The following ACMSD variants were observed in gnomAD, a reference collection of about 807,000 sequenced individuals.
ACMSD encodes aminocarboxymuconate semialdehyde decarboxylase.
In ACMSD, 37 loss-of-function variants were observed where a neutral mutation model predicts 45.9. The observed-to-expected ratio is 0.81, with a 90% CI of 0.62 to 1.06. ACMSD has a LOEUF of 1.06. ACMSD is among the 50% of genes least tolerant of loss of function. The pLI is 0.00. For synonymous variants in ACMSD, 138 were observed against 148.8 expected, an observed-to-expected ratio of 0.93 and a Z score of 0.53; for missense variants, 434 against 420.9, an observed-to-expected ratio of 1.03 and a Z score of -0.27.
rs901079618 is a variant in ACMSD at position 134,851,454 on chromosome 2, CT to C, written c.102+6188del. Among the ~76,000 whole-genome samples, 53 of 145,888 alleles carry C rather than the reference CT, an allele frequency of 3.6e-4. 1 individual carries two copies. The highest frequency in any genetic ancestry group is 1.1e-3 in the South Asian group (5 of 4,590). ...CAACAGTGTAGAAGCATTCCCTTTT[CT>C]TTTTTTTTTTAGGAGTCTCACTCTG... On this transcript the variant is annotated intron_variant, in intron 2 of 9. Coordinates refer to ENST00000356140, the MANE Select transcript of ACMSD (RefSeq NM_138326.3).
chr2:134,891,697 AACT>A, intron 8 of ACMSD, among the ~76,000 whole-genome samples: 1 of 152,202 alleles, frequency 6.6e-6, no homozygotes, highest in East Asian at 1.9e-4. Context: ...CTAAAAATAG[AACT>A]ACAATTCAAT....
intron 4 of ACMSD, chr2:134,863,102 A>C: frequency 3.0e-5 from 28 of 939,906 alleles, no homozygotes; most frequent in East Asian, 1.2e-4. Context: ...GCCCATGCTC[A>C]TTCCATCTCT....
At chr2:134,885,922 C>T (rs7575578) in intron 8 of ACMSD, among the ~76,000 whole-genome samples, 1 of 152,200 alleles carries the variant, frequency 6.6e-6, no homozygotes, top group Non-Finnish European at 1.5e-5. Flanking sequence ...CCACAAAGTT[C>T]TGCCCCCACA....
At chr2:134,894,277 CAAATG>C (rs1192293222) in intron 8 of ACMSD, among the ~76,000 whole-genome samples, 6 of 151,744 alleles carry the variant, frequency 4.0e-5, no homozygotes, top group Non-Finnish European at 7.4e-5. Flanking sequence ...ACTAAAATCA[CAAATG>C]AAATAGGACG....
At chr2:134,887,095 A>G (rs915914769) in intron 8 of ACMSD, among the ~76,000 whole-genome samples, 11 of 152,214 alleles carry the variant, frequency 7.2e-5, no homozygotes, top group African/African-American at 2.7e-4. Context: ...AAAAATCTAA[A>G]TAAATGGAAA....
intron 8 of ACMSD, among the ~76,000 whole-genome samples, chr2:134,885,951 A>G (rs1689415339): frequency 6.6e-6 from 1 of 152,130 alleles, no homozygotes; most frequent in Non-Finnish European, 1.5e-5. Context: ...GGACCCCTTT[A>G]TTTCTCACAT....
chr2:134,875,165 T>C (rs1234555313), intron 8 of ACMSD, among the ~76,000 whole-genome samples: 1 of 152,048 alleles, frequency 6.6e-6, no homozygotes, highest in Non-Finnish European at 1.5e-5. Context: ...CACACCCAAC[T>C]CTTTTTTTTA....
At chr2:134,894,328 A>G (rs1271776221) in intron 8 of ACMSD, among the ~76,000 whole-genome samples, 1 of 152,244 alleles carries the variant, frequency 6.6e-6, no homozygotes, top group Non-Finnish European at 1.5e-5. Flanking sequence ...AAAAAGAATT[A>G]TAAGTAAAAA....
intron 5 of ACMSD, 80 bp from the exon 6 acceptor site, chr2:134,867,499 G>C (rs1688157445): frequency 3.7e-6 from 4 of 1,084,162 alleles, no homozygotes; most frequent in Non-Finnish European, 5.7e-6. Flanking sequence ...TCAGAGAAAA[G>C]CAGTTTCCCC....
At chr2:134,878,532 G>A (rs1265982206) in intron 8 of ACMSD, among the ~76,000 whole-genome samples, 2 of 152,058 alleles carry the variant, frequency 1.3e-5, no homozygotes, top group African/African-American at 4.8e-5. Context: ...TTGCCATGTT[G>A]CCCAGGCTGG....
intron 2 of ACMSD, among the ~76,000 whole-genome samples, chr2:134,855,739 G>C (rs1015218566): frequency 1.2e-4 from 18 of 152,232 alleles, no homozygotes; most frequent in African/African-American, 4.3e-4. Context: ...ATGTGGATCT[G>C]AAGTCTTCCT....
At chr2:134,892,499 A>C (rs936875862) in intron 8 of ACMSD, among the ~76,000 whole-genome samples, 9 of 137,244 alleles carry the variant, frequency 6.6e-5, no homozygotes, top group Admixed American at 3.8e-4. Context: ...ATAAATAAAT[A>C]AATCCCTGTG....
At chr2:134,848,611 T>G (rs1399293036) in intron 2 of ACMSD, among the ~76,000 whole-genome samples, 5 of 152,214 alleles carry the variant, frequency 3.3e-5, no homozygotes, top group African/African-American at 1.2e-4. Context: ...CTTCGCCCAC[T>G]TTTTGATGGG....
chr2:134,845,487 G>A (rs986102861), intron 2 of ACMSD, among the ~76,000 whole-genome samples: 2 of 144,006 alleles, frequency 1.4e-5, no homozygotes, highest in African/African-American at 5.2e-5. Flanking sequence ...GATAAAATTG[G>A]AATTTGAGAA....
chr2:134,884,105 C>T (rs1258026223), intron 8 of ACMSD, among the ~76,000 whole-genome samples: 1 of 152,094 alleles, frequency 6.6e-6, no homozygotes, highest in Admixed American at 6.5e-5. Flanking sequence ...ATGAAAAATT[C>T]ACAAGCCAAA....
At chr2:134,897,034 T>C (rs193251566) in intron 8 of ACMSD, among the ~76,000 whole-genome samples, 1 of 152,020 alleles carries the variant, frequency 6.6e-6, no homozygotes, top group African/African-American at 2.4e-5. Context: ...ATGAAAAAAA[T>C]TTTTTTAAAC....
intron 5 of ACMSD, among the ~76,000 whole-genome samples, chr2:134,865,909 T>C (rs915231227): frequency 6.6e-6 from 1 of 152,210 alleles, no homozygotes; most frequent in African/African-American, 2.4e-5. Flanking sequence ...TCTATCTGCC[T>C]TAGTTTTCTT....
At chr2:134,856,911 T>C (rs1191395920) in intron 2 of ACMSD, among the ~76,000 whole-genome samples, 1 of 151,930 alleles carries the variant, frequency 6.6e-6, no homozygotes, top group Non-Finnish European at 1.5e-5. Context: ...TATGGTTTTT[T>C]TTTCTATTTC....
chr2:134,867,622 A>C lies in ACMSD; in HGVS notation c.530A>C (p.Asp177Ala). The change falls in exon 6 of 10, where the codon GAC becomes GCC. Residue 177 changes from aspartate (D) to alanine (A), a missense_variant. By Grantham distance (126) the Asp-to-Ala change is moderately radical. Coordinates refer to ENST00000356140, the MANE Select transcript of ACMSD (RefSeq NM_138326.3). ...TGTTCCCTGTTCGTGCATCCCTGGG[A>C]CATGCAGATGGATGGACGAATGGCC... ...LKCSLFVHPWDMQMDGRMAKY... is the reference protein window; with the variant it reads ...LKCSLFVHPWAMQMDGRMAKY... 1 of 1,613,902 alleles carries C rather than the reference A, an allele frequency of 6.2e-7. No homozygotes were observed. The highest frequency in any genetic ancestry group is 1.1e-5 in the South Asian group (1 of 91,004).
Sources: gnomAD v4.1 joint callset for allele counts (sites outside exome capture counted in the v4.1 genomes callset) on GRCh38, gnomAD v4.1.1 for gene constraint, MANE v1.5 for transcripts, NCBI Gene and HGNC (gene_info 2026-07-23, HGNC 2026-07-21) for gene names.